The following SIPA1L2 variants were observed in gnomAD, a reference collection of about 807,000 sequenced individuals.
SIPA1L2 encodes the protein signal induced proliferation associated 1 like 2, also known as signal-induced proliferation-associated 1-like protein 2.
Under a neutral mutation model 163.9 loss-of-function variants are expected in SIPA1L2, and 56 were observed. That is an observed-to-expected ratio of 0.34 (90% confidence interval 0.28 to 0.43). The LOEUF (loss-of-function observed/expected upper bound fraction) is 0.43, where lower values mean the gene tolerates loss of function less well. Ranked by LOEUF, SIPA1L2 falls within the 20% of genes least tolerant of loss-of-function variation. SIPA1L2 has a pLI of 1.00. For missense variants in SIPA1L2, 1,974 were observed against 2,193.5 expected, an observed-to-expected ratio of 0.90 and a Z score of 2.00; for synonymous variants, 877 against 865.7, an observed-to-expected ratio of 1.01 and a Z score of -0.23.
chr1:232,575,062 A>G (rs1660006603), intron 1 of SIPA1L2, among the ~76,000 whole-genome samples: 1 of 152,226 alleles, frequency 6.6e-6, no homozygotes, highest in South Asian at 2.1e-4. Context: ...TTTTTAAAAT[A>G]ATCAACGTAA....
intron 2 of SIPA1L2, among the ~76,000 whole-genome samples, chr1:232,516,629 A>C (rs1667230984): frequency 6.7e-6 from 1 of 150,194 alleles, no homozygotes. Flanking sequence ...GTCATCCCTA[A>C]ATTTTTTTTT....
At chr1:232,484,162 C>T (rs899297928) in intron 5 of SIPA1L2, among the ~76,000 whole-genome samples, 196 bp from the exon 6 acceptor site, 2 of 152,306 alleles carry the variant, frequency 1.3e-5, no homozygotes, top group South Asian at 2.1e-4. Flanking sequence ...CCCCAGAATA[C>T]AGCTGGAGAC....
At chr1:232,569,333 C>T (rs569134522) in intron 2 of SIPA1L2, among the ~76,000 whole-genome samples, 3 of 152,162 alleles carry the variant, frequency 2.0e-5, no homozygotes, top group Non-Finnish European at 2.9e-5. Context: ...GTCAAACACC[C>T]GAGTGAAGGA....
chr1:232,455,586 C>A (rs927311017), intron 10 of SIPA1L2, among the ~76,000 whole-genome samples: 1 of 151,792 alleles, frequency 6.6e-6, no homozygotes, highest in African/African-American at 2.4e-5. Flanking sequence ...AAGGCTGAAG[C>A]AGGAGAATGG....
At chr1:232,597,689 C>CAAAAAAA (rs376123118) in intron 1 of SIPA1L2, among the ~76,000 whole-genome samples, 31 of 65,400 alleles carry the variant, frequency 4.7e-4, no homozygotes, top group South Asian at 1.4e-3. Context: ...AACTCTGTCT[C>CAAAAAAA]AAAAAAAAAA....
intron 2 of SIPA1L2, among the ~76,000 whole-genome samples, chr1:232,561,783 C>G (rs2102746665): frequency 6.6e-6 from 1 of 152,332 alleles, no homozygotes; most frequent in East Asian, 1.9e-4. Flanking sequence ...ATTCCGCTTT[C>G]CAGCCCCAGC....
chr1:232,539,016 G>C (rs535771041), intron 2 of SIPA1L2, among the ~76,000 whole-genome samples: 2 of 152,164 alleles, frequency 1.3e-5, no homozygotes, highest in Non-Finnish European at 2.9e-5. Context: ...TTGATTGCTG[G>C]GGGAAGTAGC....
At chr1:232,484,103 G>C (rs879910434) in intron 5 of SIPA1L2, 137 bp from the exon 6 acceptor site, 6 of 750,298 alleles carry the variant, frequency 8.0e-6, no homozygotes, top group Non-Finnish European at 1.2e-5. Flanking sequence ...ATAAGCAAAA[G>C]AGTAGGCAAC....
chr1:232,599,198 C>T (rs1268932944), intron 1 of SIPA1L2, among the ~76,000 whole-genome samples: 1 of 152,128 alleles, frequency 6.6e-6, no homozygotes, highest in Non-Finnish European at 1.5e-5. Flanking sequence ...ATTCAGATTA[C>T]ATATTTAAAA....
chr1:232,399,848 G>A (rs1229576127), intron 22 of SIPA1L2, among the ~76,000 whole-genome samples: 1 of 151,566 alleles, frequency 6.6e-6, no homozygotes, highest in Non-Finnish European at 1.5e-5. Context: ...AGCAGTTTCA[G>A]TTCCCCCCCT....
chr1:232,404,279 T>G, intron 19 of SIPA1L2, 101 bp from the exon 20 acceptor site: 1 of 972,288 alleles, frequency 1.0e-6, no homozygotes. Flanking sequence ...AGTGTGTGTG[T>G]GTGATGGACC....
At chr1:232,527,183 A>T (rs1470309626) in intron 2 of SIPA1L2, among the ~76,000 whole-genome samples, 1 of 152,238 alleles carries the variant, frequency 6.6e-6, no homozygotes, top group Non-Finnish European at 1.5e-5. Context: ...ACTTTGTGGT[A>T]CAACTTCCAA....
At chr1:232,605,151 T>C (rs1573162373) in intron 1 of SIPA1L2, among the ~76,000 whole-genome samples, 2 of 152,158 alleles carry the variant, frequency 1.3e-5, no homozygotes, top group South Asian at 4.1e-4. Context: ...TAGCTAGGAC[T>C]ATAGGCATAC....
intron 1 of SIPA1L2, among the ~76,000 whole-genome samples, chr1:232,579,112 A>T (rs1241343394): frequency 6.6e-6 from 1 of 152,196 alleles, no homozygotes; most frequent in Non-Finnish European, 1.5e-5. Context: ...AGACAAACAG[A>T]GGTCTGGCTC....
intron 19 of SIPA1L2, among the ~76,000 whole-genome samples, chr1:232,413,105 C>CAGAACT (rs1661053599): frequency 1.3e-5 from 2 of 152,214 alleles, no homozygotes; most frequent in East Asian, 3.9e-4. Context: ...AATGAAACCA[C>CAGAACT]AGAACTAGAG....
chr1:232,405,176 G>A (rs982877129), intron 19 of SIPA1L2, among the ~76,000 whole-genome samples: 3 of 152,232 alleles, frequency 2.0e-5, no homozygotes, highest in Admixed American at 2.0e-4. Context: ...TGTGGCCATG[G>A]TGCTGAAAGC....
At chr1:232,606,009 G>A (rs1480722862) in intron 1 of SIPA1L2, among the ~76,000 whole-genome samples, 2 of 152,114 alleles carry the variant, frequency 1.3e-5, no homozygotes, top group East Asian at 3.9e-4. Context: ...CTGAGTTCAA[G>A]AAATTTCAAG....
chr1:232,464,477 C>T (rs1664404126), intron 9 of SIPA1L2, among the ~76,000 whole-genome samples: 1 of 152,170 alleles, frequency 6.6e-6, no homozygotes, highest in Non-Finnish European at 1.5e-5. Flanking sequence ...ATACAGTCAA[C>T]AGCAATTCTG....
At chr1:232,512,100 C>T (rs760503982) in intron 3 of SIPA1L2, among the ~76,000 whole-genome samples, 9 of 152,130 alleles carry the variant, frequency 5.9e-5, no homozygotes, top group African/African-American at 2.2e-4. Flanking sequence ...GACATTTATG[C>T]GGCCAACAAA....
Sources: gnomAD v4.1 joint callset for allele counts (sites outside exome capture counted in the v4.1 genomes callset) on GRCh38, gnomAD v4.1.1 for gene constraint, MANE v1.5 for transcripts, NCBI Gene and HGNC (gene_info 2026-07-23, HGNC 2026-07-21) for gene names.